The following NDUFS4 variants were observed in gnomAD, a reference collection of about 807,000 sequenced individuals.
The protein encoded by NDUFS4 is NADH dehydrogenase [ubiquinone] iron-sulfur protein 4, mitochondrial.
A neutral mutation model predicts 24.3 loss-of-function variants in NDUFS4; 28 were observed. That is an observed-to-expected ratio of 1.15 (90% CI 0.85 to 1.58). NDUFS4 has a LOEUF of 1.58. NDUFS4 is among the 40% of genes most tolerant of loss of function. NDUFS4 has a pLI of 0.00. For synonymous variants in NDUFS4, 93 were observed against 69.7 expected (o/e 1.34, Z -1.67); for missense variants, 223 against 207.9 (o/e 1.07, Z -0.45).
At chr5:53,675,192 C>T (rs181201235) in intron 4 of NDUFS4, among the ~76,000 whole-genome samples, 12,423 of 125,396 alleles carry the variant, frequency 0.099, 881 homozygotes, top group Admixed American at 0.22. Flanking sequence ...GGCGGAGTCT[C>T]ACTCTGTCAC....
rs74678717 is a variant in NDUFS4, at chr5:53,677,008, A to G, written c.425-6110A>G. 2.4e-3 allele frequency among the ~76,000 whole-genome samples: 363 copies of G among 152,280 alleles called. 5 individuals are homozygous for G. Among genetic ancestry groups the G allele is most frequent in the African/African-American group, 8.1e-3 (336 of 41,554 alleles). ...GTTAAATAGGATTCTGAGACTCCCTATGAGTAGCTTGCAAATCTCTGGAAG... is the reference window on the plus strand; with the variant it reads ...GTTAAATAGGATTCTGAGACTCCCTGTGAGTAGCTTGCAAATCTCTGGAAG... On this transcript the variant is annotated intron_variant, in intron 4 of 4. Coordinates refer to ENST00000296684, the MANE Select transcript of NDUFS4 (RefSeq NM_002495.4).
chr5:53,649,725 T>C (rs1751964304), intron 3 of NDUFS4, among the ~76,000 whole-genome samples: 1 of 152,212 alleles, frequency 6.6e-6, no homozygotes, highest in South Asian at 2.1e-4. Flanking sequence ...AAATGGTAGT[T>C]CTGTTTTTAG....
chr5:53,579,105 A>G (rs530516235), intron 1 of NDUFS4, among the ~76,000 whole-genome samples: 1 of 152,298 alleles, frequency 6.6e-6, no homozygotes, highest in Admixed American at 6.5e-5. Context: ...TTTACCATCC[A>G]AAGAGATGAC....
At chr5:53,630,993 C>T (rs916090062) in intron 2 of NDUFS4, among the ~76,000 whole-genome samples, 1 of 152,302 alleles carries the variant, frequency 6.6e-6, no homozygotes, top group South Asian at 2.1e-4. Context: ...CCTTTATGCA[C>T]TGGTTTCTCC....
rs2112424574 is a variant in NDUFS4, at chr5:53,578,795, CTACT to C, written c.98+18037_98+18040del. The stretch of plus-strand genomic sequence containing the variant: ...TTCCTTTTTGCTTCTTTCTCCCTCT[CTACT>C]TTTCTTACTTTCTTTTTTCTTTCTT... On this transcript the variant is annotated intron_variant, in intron 1 of 4. Coordinates refer to ENST00000296684, the MANE Select transcript of NDUFS4 (RefSeq NM_002495.4). 1.3e-5 allele frequency among the ~76,000 whole-genome samples: 2 copies of C among 152,214 alleles called. 1 individual carries two copies. Among genetic ancestry groups the C allele is most frequent in the African/African-American group, 4.8e-5 (2 of 41,552 alleles).
chr5:53,661,312 G>A (rs967060581), intron 4 of NDUFS4, among the ~76,000 whole-genome samples: 6 of 152,238 alleles, frequency 3.9e-5, no homozygotes, highest in African/African-American at 1.4e-4. Context: ...GATACTTGTA[G>A]ATATGCGGCA....
intron 1 of NDUFS4, among the ~76,000 whole-genome samples, chr5:53,566,434 C>T (rs1749027810): frequency 6.6e-6 from 1 of 152,116 alleles, no homozygotes; most frequent in African/African-American, 2.4e-5. Flanking sequence ...GCTACTGTGC[C>T]AAGGATTTCA....
chr5:53,574,300 G>A (rs1488259194), intron 1 of NDUFS4, among the ~76,000 whole-genome samples: 1 of 151,938 alleles, frequency 6.6e-6, no homozygotes. Context: ...AAGAATGGAT[G>A]TGTCTAATGC....
intron 1 of NDUFS4, among the ~76,000 whole-genome samples, chr5:53,591,453 GTT>G (rs775330362): frequency 1.3e-3 from 44 of 34,354 alleles, no homozygotes; most frequent in Non-Finnish European, 2.7e-3. Flanking sequence ...CTTTTTGTTT[GTT>G]TTTTTTGGGG....
At chr5:53,600,295 G>A (rs111708496) in intron 1 of NDUFS4, among the ~76,000 whole-genome samples, 2,116 of 146,276 alleles carry the variant, frequency 0.014, 51 homozygotes, top group African/African-American at 0.05. Context: ...CGGCCCGCCC[G>A]GCCTATTTTT....
intron 4 of NDUFS4, among the ~76,000 whole-genome samples, chr5:53,679,699 G>A (rs1165621011): frequency 6.6e-6 from 1 of 152,122 alleles, no homozygotes; most frequent in Non-Finnish European, 1.5e-5. Flanking sequence ...GTGTTTGTGT[G>A]TATATTACTA....
chr5:53,570,288 T>C (rs535787504), intron 1 of NDUFS4, among the ~76,000 whole-genome samples: 4 of 152,204 alleles, frequency 2.6e-5, no homozygotes, highest in Non-Finnish European at 4.4e-5. Flanking sequence ...ATATAACCTT[T>C]TGAGATTGTC....
chr5:53,592,191 A>T (rs568532043), intron 1 of NDUFS4, among the ~76,000 whole-genome samples: 1 of 152,122 alleles, frequency 6.6e-6, no homozygotes, highest in Non-Finnish European at 1.5e-5. Context: ...ACCTCAAGTG[A>T]TCCGCCCGCC....
At chr5:53,671,825 TC>T (rs745376172) in intron 4 of NDUFS4, among the ~76,000 whole-genome samples, 3 of 152,148 alleles carry the variant, frequency 2.0e-5, no homozygotes, top group Admixed American at 6.5e-5. Context: ...TGGTCTTTTT[TC>T]CCCCGTTTGA....
chr5:53,637,115 A>G (rs1032252710), intron 2 of NDUFS4, among the ~76,000 whole-genome samples: 1 of 152,168 alleles, frequency 6.6e-6, no homozygotes, highest in African/African-American at 2.4e-5. Context: ...CTCAGATTGG[A>G]TTTGTAAAAG....
intron 1 of NDUFS4, among the ~76,000 whole-genome samples, chr5:53,594,205 T>C (rs189230835): frequency 6.6e-6 from 1 of 152,268 alleles, no homozygotes; most frequent in Admixed American, 6.5e-5. Context: ...GCATAGCATA[T>C]TTTGACATTT....
intron 2 of NDUFS4, chr5:53,604,733 G>A (rs1487301277): frequency 6.6e-6 from 3 of 455,944 alleles, no homozygotes; most frequent in South Asian, 1.5e-5. Context: ...GGTTTATCTT[G>A]TACCACTGTG....
At chr5:53,646,860 A>G (rs578081177) in intron 3 of NDUFS4, among the ~76,000 whole-genome samples, 3 of 152,140 alleles carry the variant, frequency 2.0e-5, no homozygotes, top group African/African-American at 4.8e-5. Context: ...ATTTCTTACT[A>G]TGCCTAATTT....
chr5:53,615,973 T>C (rs1038370873), intron 2 of NDUFS4, among the ~76,000 whole-genome samples: 4 of 152,132 alleles, frequency 2.6e-5, no homozygotes, highest in African/African-American at 9.6e-5. Context: ...CCTAATTGGG[T>C]AGTTTAAGAT....
Sources: allele counts gnomAD v4.1 joint callset (sites outside exome capture counted in the v4.1 genomes callset), GRCh38; gene constraint gnomAD v4.1.1; transcripts MANE v1.5; gene names NCBI Gene and HGNC (gene_info 2026-07-23, HGNC 2026-07-21).